The following CNTNAP5 variants were observed in gnomAD, a reference collection of about 807,000 sequenced individuals.
CNTNAP5 encodes contactin associated protein family member 5.
Under a neutral mutation model 150.2 loss-of-function variants are expected in CNTNAP5, and 72 were observed. That is an observed-to-expected ratio of 0.48 (90% confidence interval 0.40 to 0.58). The LOEUF (loss-of-function observed/expected upper bound fraction) is 0.58. Among genes scored for constraint, CNTNAP5 ranks in the 20% least tolerant of loss-of-function variants. CNTNAP5 has a pLI of 0.00. For missense variants in CNTNAP5, 1,636 were observed against 1,626.2 expected, an observed-to-expected ratio of 1.01 and a Z score of -0.10; for synonymous variants, 672 against 619.8, an observed-to-expected ratio of 1.08 and a Z score of -1.25.
At position 124,899,572 on chromosome 2, in the gene CNTNAP5, A is replaced by T. The variant is rs60889140; in HGVS notation, c.3437-3310A>T. ...TTTGGTTTCTTAAGGCAGTGACAAGACTTTTGAACATTGTAATTCTTTTTT... is the reference window on the plus strand; with the variant it reads ...TTTGGTTTCTTAAGGCAGTGACAAGTCTTTTGAACATTGTAATTCTTTTTT... On this transcript the variant is annotated intron_variant, in intron 21 of 23. Transcript: ENST00000682447. Among the ~76,000 whole-genome samples, 414 of 151,666 alleles carry T rather than the reference A, an allele frequency of 2.7e-3. 11 individuals are homozygous for T. The East Asian group carries it at 0.063, about 23-fold the overall frequency.
rs528235898 is a variant in CNTNAP5 at position 124,294,649 on chromosome 2, A to T, written c.381+52256A>T. 1.6e-4 allele frequency among the ~76,000 whole-genome samples: 24 copies of T among 152,332 alleles called. No homozygotes were observed. In the South Asian group the frequency reaches 2.9e-3, roughly 18 times the overall value. The stretch of plus-strand genomic sequence containing the variant: ...AATGTAGAGGTATTTGGAGGCTTAT[A>T]GGTCTTTGTGAGGAGCTCGAATTTG... On this transcript the variant is annotated intron_variant, in intron 3 of 23. Coordinates refer to ENST00000682447, the MANE Select transcript of CNTNAP5 (RefSeq NM_001367498.1).
In CNTNAP5 at chr2:124,652,405, C is replaced by T. The variant is rs1045011862; in HGVS notation, c.2077+4447C>T. Reference sequence around the variant, plus strand: ...TCACAGGGAAGGAGACAACACTTATCCCCACTGAAAAAGGCTACCTTGGTT... The same window carrying T: ...TCACAGGGAAGGAGACAACACTTATTCCCACTGAAAAAGGCTACCTTGGTT... On this transcript the variant is annotated intron_variant, in intron 13 of 23. Transcript: ENST00000682447. Among the ~76,000 whole-genome samples the T allele has an allele frequency of 5.3e-5, 8 of 152,150 alleles. No individual in the cohort carries two copies. In the South Asian group the frequency reaches 1.0e-3, roughly 20 times the overall value.
At position 124,443,533 on chromosome 2, in the gene CNTNAP5, C is replaced by T. The variant is rs539739865; in HGVS notation, c.734-3220C>T. Among the ~76,000 whole-genome samples, 9 of 151,858 alleles carry T rather than the reference C, an allele frequency of 5.9e-5. No individual in the cohort carries two copies. The South Asian group carries it at 6.2e-4, about 11-fold the overall frequency. On this transcript the variant is annotated intron_variant, in intron 5 of 23. Transcript: ENST00000682447. Reference sequence around the variant, plus strand: ...GGAAGCACAAGCAAGACATTAATAGCGGTGATTACCTGGGGCTATGGAAGA... The same window carrying T: ...GGAAGCACAAGCAAGACATTAATAGTGGTGATTACCTGGGGCTATGGAAGA...
intron 3 of CNTNAP5, among the ~76,000 whole-genome samples, chr2:124,289,018 A>G (rs1482600235): frequency 6.6e-6 from 1 of 152,210 alleles, no homozygotes. Context: ...TTTACAATTC[A>G]GTTTTCTAAT....
intron 3 of CNTNAP5, among the ~76,000 whole-genome samples, chr2:124,296,521 T>C (rs1022755361): frequency 1.3e-5 from 2 of 152,168 alleles, no homozygotes; most frequent in African/African-American, 4.8e-5. Flanking sequence ...TACCCTCTTA[T>C]ACATGTACAC....
chr2:124,546,364 ATGTG>A lies in CNTNAP5; in HGVS notation c.1650-16836_1650-16833del, dbSNP rs144497613. Among the ~76,000 whole-genome samples the A allele has an allele frequency of 7.3e-5, 11 of 150,620 alleles. No homozygotes were observed. In the South Asian group the frequency reaches 1.1e-3, roughly 14 times the overall value. ...TGTTTCTTTACTGCAGGATTTCTCA[ATGTG>A]TGTGTGTGTGTGTGTGCAAGTGTGC... On this transcript the variant is annotated intron_variant, in intron 10 of 23. Coordinates refer to ENST00000682447, the MANE Select transcript of CNTNAP5 (RefSeq NM_001367498.1).
intron 19 of CNTNAP5, among the ~76,000 whole-genome samples, chr2:124,859,293 A>G (rs1225443561): frequency 6.6e-6 from 1 of 152,182 alleles, no homozygotes; most frequent in Non-Finnish European, 1.5e-5. Flanking sequence ...ATGCAGCCAA[A>G]AAACACATGA....
intron 1 of CNTNAP5, among the ~76,000 whole-genome samples, chr2:124,149,680 C>CT (rs1684356320): frequency 6.6e-6 from 1 of 152,278 alleles, no homozygotes; most frequent in Admixed American, 6.5e-5. Flanking sequence ...GTGAGCAGCG[C>CT]CAATCCGAGT....
chr2:124,762,607 A>G (rs2104599087), intron 14 of CNTNAP5, among the ~76,000 whole-genome samples: 1 of 152,252 alleles, frequency 6.6e-6, no homozygotes, highest in East Asian at 1.9e-4. Context: ...TATTATCTCC[A>G]TTTTAAAATT....
At chr2:124,780,636 T>C (rs1039475052) in intron 17 of CNTNAP5, among the ~76,000 whole-genome samples, 45 of 152,226 alleles carry the variant, frequency 3.0e-4, no homozygotes, top group Non-Finnish European at 5.7e-4. Context: ...GCTATTATTT[T>C]CCCCCTGATC....
At chr2:124,435,239 A>C (rs1692499814) in intron 5 of CNTNAP5, among the ~76,000 whole-genome samples, 1 of 152,150 alleles carries the variant, frequency 6.6e-6, no homozygotes, top group Non-Finnish European at 1.5e-5. Context: ...CATTAAACTT[A>C]GTACAGAATG....
At chr2:124,574,247 C>A (rs1696227135) in intron 11 of CNTNAP5, among the ~76,000 whole-genome samples, 1 of 152,096 alleles carries the variant, frequency 6.6e-6, no homozygotes, top group South Asian at 2.1e-4. Context: ...CCACAAATGA[C>A]CTTAGGCAAG....
intron 12 of CNTNAP5, among the ~76,000 whole-genome samples, chr2:124,632,095 C>T (rs1198682524): frequency 6.6e-6 from 1 of 152,088 alleles, no homozygotes; most frequent in African/African-American, 2.4e-5. Context: ...TGGTTTTATA[C>T]TCTTGGTGGG....
chr2:124,281,472 A>G (rs1688010274), intron 3 of CNTNAP5, among the ~76,000 whole-genome samples: 1 of 152,214 alleles, frequency 6.6e-6, no homozygotes, highest in African/African-American at 2.4e-5. Flanking sequence ...TGGTCAAAGT[A>G]GAAAACATAG....
chr2:124,850,826 G>A (rs1683139115), intron 19 of CNTNAP5, among the ~76,000 whole-genome samples: 2 of 152,050 alleles, frequency 1.3e-5, no homozygotes, highest in Non-Finnish European at 2.9e-5. Flanking sequence ...AAAAGAATGT[G>A]ACTGTATTGA....
chr2:124,392,961 C>T (rs1691159169), intron 3 of CNTNAP5, among the ~76,000 whole-genome samples: 1 of 152,156 alleles, frequency 6.6e-6, no homozygotes, highest in African/African-American at 2.4e-5. Context: ...GGACAATTCT[C>T]AAAGTTGTTT....
At chr2:124,152,297 T>G (rs1480978404) in intron 1 of CNTNAP5, among the ~76,000 whole-genome samples, 1 of 152,224 alleles carries the variant, frequency 6.6e-6, no homozygotes, top group African/African-American at 2.4e-5. Context: ...GCATACTATA[T>G]GCTAGGCACC....
At position 124,278,976 on chromosome 2, in the gene CNTNAP5, G is replaced by A. The variant is rs567811228; in HGVS notation, c.381+36583G>A. ...TATTCACTCATTTAATTTTCTGTTCGATATTTACTGAACACTTGCCAAGTG... is the reference window on the plus strand; with the variant it reads ...TATTCACTCATTTAATTTTCTGTTCAATATTTACTGAACACTTGCCAAGTG... On this transcript the variant is annotated intron_variant, in intron 3 of 23. Coordinates refer to ENST00000682447, the MANE Select transcript of CNTNAP5 (RefSeq NM_001367498.1). Among the ~76,000 whole-genome samples, 23 of 152,148 alleles carry A rather than the reference G, an allele frequency of 1.5e-4. No individual in the cohort carries two copies. In the East Asian group the frequency reaches 3.5e-3, roughly 23 times the overall value.
At chr2:124,195,524 T>C (rs1467409255) in intron 1 of CNTNAP5, among the ~76,000 whole-genome samples, 1 of 152,148 alleles carries the variant, frequency 6.6e-6, no homozygotes, top group African/African-American at 2.4e-5. Context: ...CAAGGTGTCA[T>C]TTACAAAATC....
Sources: gnomAD v4.1 joint callset for allele counts (sites outside exome capture counted in the v4.1 genomes callset) on GRCh38, gnomAD v4.1.1 for gene constraint, MANE v1.5 for transcripts, NCBI Gene and HGNC (gene_info 2026-07-23, HGNC 2026-07-21) for gene names.